The following ARMCX4 variants were observed in gnomAD, a reference collection of about 807,000 sequenced individuals.
The protein encoded by ARMCX4 is armadillo repeat containing X-linked 4.
In ARMCX4, 3 loss-of-function variants were observed where a neutral mutation model predicts 34.7. That is an observed-to-expected ratio of 0.09 (90% CI 0.04 to 0.22). The LOEUF (loss-of-function observed/expected upper bound fraction) is 0.22. ARMCX4 is among the 10% of genes least tolerant of loss of function. ARMCX4 has a pLI of 1.00. For missense variants in ARMCX4, 1,448 were observed against 1,720.8 expected, an observed-to-expected ratio of 0.84 and a Z score of 2.81; for synonymous variants, 513 against 632.8, an observed-to-expected ratio of 0.81 and a Z score of 2.84.
At chrX:101,429,624 C>T (rs781954490) in intron 2 of ARMCX4, among the ~76,000 whole-genome samples, 4 of 110,949 alleles carry the variant, frequency 3.6e-5, no homozygotes, top group Non-Finnish European at 7.5e-5. Flanking sequence ...GTGTGAGCCA[C>T]CGCGCCCAGC....
chrX:101,532,559 T>C (rs1556022401), intron 12 of ARMCX4: 1 of 111,211 alleles, frequency 9.0e-6, no homozygotes, highest in Admixed American at 9.6e-5. Flanking sequence ...CCAGGGATAC[T>C]CACTGGGGCA....
At chrX:101,480,604 T>C (rs1276372657), upstream of ARMCX4, among the ~76,000 whole-genome samples, 7 of 111,035 alleles carry the variant, frequency 6.3e-5, no homozygotes, top group African/African-American at 2.0e-4. Flanking sequence ...TACCATAAAA[T>C]TAAGATGTTA....
intron 4 of ARMCX4, among the ~76,000 whole-genome samples, chrX:101,471,696 C>T (rs909590737): frequency 9.0e-6 from 1 of 111,356 alleles, no homozygotes; most frequent in African/African-American, 3.3e-5. Flanking sequence ...AGCAGGGGCA[C>T]ACTGACACCT....
chrX:101,460,762 A>G (rs1932573579), intron 4 of ARMCX4, among the ~76,000 whole-genome samples: 1 of 112,098 alleles, frequency 8.9e-6, no homozygotes. Context: ...ATATGTAGCT[A>G]ATTCTTATGA....
intron 2 of ARMCX4, among the ~76,000 whole-genome samples, chrX:101,433,224 ATATATG>A (rs1930389160): frequency 1.5e-4 from 4 of 27,410 alleles, no homozygotes; most frequent in Non-Finnish European, 5.0e-4. Context: ...ACATATATAC[ATATATG>A]TACACATATG....
intron 2 of ARMCX4, among the ~76,000 whole-genome samples, chrX:101,433,331 C>T (rs7057130): frequency 1.0e-5 from 1 of 98,417 alleles, no homozygotes; most frequent in Non-Finnish European, 2.0e-5. Flanking sequence ...TACATATAAA[C>T]ATATGTACAT....
rs1556009130 is a variant in ARMCX4 at position 101,491,467 on chromosome X, G to A, written c.2878G>A (p.Val960Ile). The A allele has an allele frequency of 1.7e-6, 2 of 1,153,501 alleles. No homozygotes were observed. Among genetic ancestry groups the A allele is most frequent in the African/African-American group, 3.6e-5 (2 of 55,443 alleles). The change falls in exon 6 of 6, where the codon GTC becomes ATC. Residue 960 changes from valine to isoleucine, a missense_variant. Coordinates refer to ENST00000423738, the MANE Select transcript of ARMCX4 (RefSeq NM_001256155.3). ...VQVVASFQGE[V>I]LPGAKNKVRG... is the part of the protein sequence containing the mutation. ...GGTTGTGGCCAGTTTTCAGGGTGAGGTCTTGCCTGGGGCCAAAAATAAGGT... is the reference window on the plus strand; with the variant it reads ...GGTTGTGGCCAGTTTTCAGGGTGAGATCTTGCCTGGGGCCAAAAATAAGGT...
chrX:101,437,651 T>C (rs1930895341), intron 2 of ARMCX4, among the ~76,000 whole-genome samples: 1 of 111,725 alleles, frequency 9.0e-6, no homozygotes, highest in Non-Finnish European at 1.9e-5. Context: ...TTCCTTCAGT[T>C]CTGCTCTGAT....
Position 101,512,537 on chromosome X carries a change from C to T in ARMCX4, c.*1780+1482C>T, listed in dbSNP as rs147404485. 5.4e-3 allele frequency among the ~76,000 whole-genome samples: 592 copies of T among 110,202 alleles called. 9 individuals carry two copies. The highest frequency in any genetic ancestry group is 0.018 in the African/African-American group (552 of 30,346). On this transcript the variant is annotated intron_variant and NMD_transcript_variant, in intron 11 of 12. Coordinates refer to the ARMCX4 transcript ENST00000354842. Reference sequence around the variant, plus strand: ...ATCATTCATGGGAGATTGGAGTTTCCGCTTTTCCTGTTTTTCTAGGTCATT... The same window carrying T: ...ATCATTCATGGGAGATTGGAGTTTCTGCTTTTCCTGTTTTTCTAGGTCATT...
chrX:101,447,782 C>T (rs941365922), downstream of ARMCX4: 5 of 110,913 alleles, frequency 4.5e-5, no homozygotes, highest in Admixed American at 1.9e-4. Context: ...ATGTAATAAT[C>T]ACCTCATGGA....
At chrX:101,459,999 AG>A (rs781865369) in intron 4 of ARMCX4, among the ~76,000 whole-genome samples, 102 of 112,994 alleles carry the variant, frequency 9.0e-4, no homozygotes, top group African/African-American at 3.2e-3. Context: ...TGAGACCCAA[AG>A]ATATGCATTT....
At chrX:101,499,573 A>T (rs1934251225), downstream of ARMCX4, among the ~76,000 whole-genome samples, 1 of 112,061 alleles carries the variant, frequency 8.9e-6, no homozygotes, top group Non-Finnish European at 1.9e-5. Context: ...TGGAACAAGG[A>T]TCACTGATAG....
chrX:101,517,468 C>T (rs1284629604), intron 11 of ARMCX4, among the ~76,000 whole-genome samples: 1 of 111,477 alleles, frequency 9.0e-6, no homozygotes, highest in Non-Finnish European at 1.9e-5. Context: ...TCAGCCTCCT[C>T]AGTAGCTGGG....
At position 101,495,435 on chromosome X, in the gene ARMCX4, A is replaced by G. The variant is rs1187467352; in HGVS notation, c.6846A>G (p.Arg2282=). The G allele has an allele frequency of 1.8e-6, 2 of 1,112,769 alleles. No homozygotes were observed. Among genetic ancestry groups the G allele is most frequent in the Non-Finnish European group, 1.2e-6 (1 of 853,528 alleles). 91.7% of individuals were successfully genotyped at this position (1,112,769 alleles called of 1,213,427 possible). A position where few individuals can be genotyped will look rare whatever the true frequency, so the allele number is the denominator to read the frequency against. The change falls in exon 6 of 6, where the codon AGA becomes AGG. Residue 2282 remains arginine (R), a synonymous_variant. Coordinates refer to ENST00000423738, the MANE Select transcript of ARMCX4 (RefSeq NM_001256155.3). Reference sequence around the variant, plus strand: ...GCAATGACCCTGAGGTGAAAGAGAGAGTTGAGCTATTAATAAGTAAACTCT... The same window carrying G: ...GCAATGACCCTGAGGTGAAAGAGAGGGTTGAGCTATTAATAAGTAAACTCT... The part of the protein sequence containing the change: ...AECNDPEVKE[R]VELLISKL
chrX:101,426,013 G>A (rs782560337), intron 2 of ARMCX4, among the ~76,000 whole-genome samples: 1 of 109,740 alleles, frequency 9.1e-6, no homozygotes, highest in Non-Finnish European at 1.9e-5. Flanking sequence ...TGTAGACATG[G>A]GGTCTTGCCA....
At chrX:101,519,287 A>T (rs1385184625) in intron 11 of ARMCX4, among the ~76,000 whole-genome samples, 2 of 111,164 alleles carry the variant, frequency 1.8e-5, no homozygotes, top group African/African-American at 6.5e-5. Context: ...ATCTTGTATC[A>T]CTAAAATTTT....
rs782416913 is a variant in ARMCX4, at chrX:101,439,038, G to A, written n.165-5014G>A. 2.7e-5 allele frequency among the ~76,000 whole-genome samples: 3 copies of A among 111,951 alleles called. No individual in the cohort carries two copies. In the South Asian group the frequency reaches 1.1e-3, roughly 42 times the overall value. On this transcript the variant is annotated intron_variant and non_coding_transcript_variant, in intron 2 of 3. Coordinates refer to the ARMCX4 transcript ENST00000430461. ...ATGATGTTAGCTGGTTATTTTGCTC[G>A]TTAGTTGATGCAGTTTCTTCCTAGC...
chrX:101,459,191 C>G (rs111251930), intron 4 of ARMCX4, among the ~76,000 whole-genome samples: 2,302 of 112,129 alleles, frequency 0.021, 32 homozygotes, highest in Admixed American at 0.05. Flanking sequence ...TATGTTTGTA[C>G]TTTTTACTGA....
At chrX:101,533,933 A>G (rs1006243391), downstream of ARMCX4, among the ~76,000 whole-genome samples, 1 of 111,735 alleles carries the variant, frequency 8.9e-6, no homozygotes, top group Non-Finnish European at 1.9e-5. Flanking sequence ...AAGCAAATCT[A>G]AGAGAATCAA....
Sources: allele counts gnomAD v4.1 joint callset (sites outside exome capture counted in the v4.1 genomes callset), GRCh38; gene constraint gnomAD v4.1.1; transcripts MANE v1.5; gene names NCBI Gene and HGNC (gene_info 2026-07-23, HGNC 2026-07-21).